RTL4: variants seen among roughly 807,000 people sequenced by gnomAD.
RTL4 encodes the protein retrotransposon Gag-like protein 4.
Under a neutral mutation model 5.3 loss-of-function variants are expected in RTL4, and 4 were observed. The ratio of observed to expected loss-of-function variants is 0.75; its 90% CI spans 0.37 to 1.72. The LOEUF is 1.72. Among genes scored for constraint, RTL4 ranks in the 40% most tolerant of loss-of-function variants. The pLI is 0.04. For synonymous variants in RTL4, 98 were observed against 87.3 expected, an observed-to-expected ratio of 1.12 and a Z score of -0.68; for missense variants, 260 against 227.1, an observed-to-expected ratio of 1.14 and a Z score of -0.93.
At chrX:112,344,278 A>G in the RTL4 span, among the ~76,000 whole-genome samples, 1 of 111,985 alleles carries the variant, frequency 8.9e-6, no homozygotes, top group Non-Finnish European at 1.9e-5. Context: ...GAGGATTTAC[A>G]AGAGTTAAAC....
At chrX:112,249,068 G>A in the RTL4 span, among the ~76,000 whole-genome samples, 1 of 112,247 alleles carries the variant, frequency 8.9e-6, no homozygotes, top group Non-Finnish European at 1.9e-5. Context: ...ATTCTCAAGT[G>A]TCCAGGGAGA....
the RTL4 span, among the ~76,000 whole-genome samples, chrX:112,231,372 A>C: frequency 5.2e-3 from 576 of 109,720 alleles, 4 homozygotes; most frequent in African/African-American, 0.018. Context: ...CACATATACA[A>C]CATGGAATAC....
the RTL4 span, among the ~76,000 whole-genome samples, chrX:112,229,912 G>A: frequency 4.5e-5 from 5 of 111,865 alleles, no homozygotes; most frequent in African/African-American, 1.3e-4. Flanking sequence ...AGGAGTACCC[G>A]GCCGTGTGAG....
the RTL4 span, among the ~76,000 whole-genome samples, chrX:112,128,346 G>A: frequency 7.2e-5 from 8 of 111,263 alleles, no homozygotes; most frequent in Non-Finnish European, 1.5e-4. Context: ...AAATGCTGGC[G>A]TGACTGGATA....
chrX:112,339,002 A>G, the RTL4 span, among the ~76,000 whole-genome samples: 1 of 111,702 alleles, frequency 9.0e-6, no homozygotes, highest in South Asian at 3.7e-4. Flanking sequence ...TGTACGTGAG[A>G]GATAGTCTAG....
chrX:112,308,012 A>T, the RTL4 span, among the ~76,000 whole-genome samples: 1 of 111,585 alleles, frequency 9.0e-6, no homozygotes, highest in East Asian at 2.8e-4. Flanking sequence ...GGATTACACT[A>T]TCTTTTCTCC....
the RTL4 span, among the ~76,000 whole-genome samples, chrX:112,325,936 A>C: frequency 8.9e-6 from 1 of 112,121 alleles, no homozygotes; most frequent in Non-Finnish European, 1.9e-5. Flanking sequence ...ATCTACAAAG[A>C]ACTCAACACA....
chrX:112,187,106 C>T, the RTL4 span, among the ~76,000 whole-genome samples: 4 of 112,100 alleles, frequency 3.6e-5, no homozygotes, highest in African/African-American at 6.5e-5. Context: ...CCAGTAACTA[C>T]GCCCTCCATT....
the RTL4 span, among the ~76,000 whole-genome samples, chrX:112,164,473 G>A: frequency 1.8e-5 from 2 of 112,054 alleles, no homozygotes; most frequent in Admixed American, 9.4e-5. Context: ...TTAGTCAGCT[G>A]CTAAGACCAT....
chrX:112,122,687 G>A, the RTL4 span, among the ~76,000 whole-genome samples: 11 of 110,844 alleles, frequency 9.9e-5, no homozygotes, highest in Non-Finnish European at 1.7e-4. Flanking sequence ...AGAAGAGTAA[G>A]ACAAGGTAAA....
At chrX:112,300,014 A>G in the RTL4 span, among the ~76,000 whole-genome samples, 1 of 111,411 alleles carries the variant, frequency 9.0e-6, no homozygotes, top group Non-Finnish European at 1.9e-5. Flanking sequence ...ATGCCTCCCC[A>G]GGTAAAATAA....
At chrX:112,375,131 A>G in the RTL4 span, among the ~76,000 whole-genome samples, 1 of 111,292 alleles carries the variant, frequency 9.0e-6, no homozygotes, top group Admixed American at 9.6e-5. Flanking sequence ...ATGCTTAAGT[A>G]TGCCTTCCCC....
the RTL4 span, among the ~76,000 whole-genome samples, chrX:112,111,517 G>A: frequency 8.9e-6 from 1 of 112,707 alleles, no homozygotes; most frequent in Non-Finnish European, 1.9e-5. Flanking sequence ...GTATTTAAAG[G>A]GGGTTCCCCC....
the RTL4 span, among the ~76,000 whole-genome samples, chrX:112,216,854 A>G: frequency 1.2e-4 from 13 of 111,926 alleles, no homozygotes; most frequent in South Asian, 3.8e-4. Context: ...AAATCTACCC[A>G]TATATTGAGG....
the RTL4 span, among the ~76,000 whole-genome samples, chrX:112,158,818 C>T: frequency 4.5e-5 from 5 of 111,417 alleles, no homozygotes; most frequent in East Asian, 1.1e-3. Flanking sequence ...TGACAATTTT[C>T]TGAGGATCAA....
chrX:112,244,674 G>C, the RTL4 span, among the ~76,000 whole-genome samples: 3 of 111,651 alleles, frequency 2.7e-5, no homozygotes, highest in Non-Finnish European at 5.6e-5. Context: ...TCTTTTAATT[G>C]GGGCATGTAG....
chrX:112,091,916 T>C, the RTL4 span, among the ~76,000 whole-genome samples: 1 of 111,690 alleles, frequency 9.0e-6, no homozygotes, highest in African/African-American at 3.2e-5. Flanking sequence ...GTTTGGTGCC[T>C]GTATGTTTAT....
the RTL4 span, among the ~76,000 whole-genome samples, chrX:112,182,586 A>G: frequency 8.9e-6 from 1 of 112,070 alleles, no homozygotes; most frequent in East Asian, 2.8e-4. Context: ...GATCAACTTA[A>G]TTAAATAAAG....
At chrX:112,180,673 C>G in the RTL4 span, among the ~76,000 whole-genome samples, 2 of 111,974 alleles carry the variant, frequency 1.8e-5, no homozygotes, top group African/African-American at 3.2e-5. Context: ...AGAGCAATCT[C>G]TTTAAATTGT....
Sources: gnomAD v4.1 joint callset for allele counts (sites outside exome capture counted in the v4.1 genomes callset) on GRCh38, gnomAD v4.1.1 for gene constraint, MANE v1.5 for transcripts, NCBI Gene and HGNC (gene_info 2026-07-23, HGNC 2026-07-21) for gene names.